SHROOM3: variants seen among roughly 807,000 people sequenced by gnomAD.
The protein encoded by SHROOM3 is protein Shroom3.
A neutral mutation model predicts 138.6 loss-of-function variants in SHROOM3; 47 were observed. The ratio of observed to expected loss-of-function variants is 0.34; its 90% confidence interval spans 0.27 to 0.43. The LOEUF (loss-of-function observed/expected upper bound fraction) is 0.43, where lower values mean the gene tolerates loss of function less well. Among genes scored for constraint, SHROOM3 ranks in the 20% least tolerant of loss-of-function variants. The pLI is 1.00. For synonymous variants in SHROOM3, 1,062 were observed against 1,063.3 expected (o/e 1.00, Z 0.02); for missense variants, 2,491 against 2,596.5 (o/e 0.96, Z 0.88).
intron 2 of SHROOM3, among the ~76,000 whole-genome samples, chr4:76,649,001 G>A (rs1007758565): frequency 2.6e-5 from 4 of 152,134 alleles, no homozygotes; most frequent in African/African-American, 9.7e-5. Context: ...TAAGACAAAT[G>A]AACTTTAAAT....
In SHROOM3 at chr4:76,780,257, T is replaced by A. The variant is rs1230383623; in HGVS notation, c.*1080T>A. 1 of 152,220 alleles carries A rather than the reference T, an allele frequency of 6.6e-6. No homozygotes were observed. The highest frequency in any genetic ancestry group is 1.5e-5 in the Non-Finnish European group (1 of 68,038). The allele number at this position is 152,220 out of a possible 1,614,324, so 9.4% of individuals were successfully genotyped here. On this transcript the variant is annotated 3_prime_UTR_variant, in exon 11 of 11. Transcript: ENST00000296043. ...CTGATTTTGCTTTATCATGTTTCAATAATAACATTTCAGAGGTTACTCTGT... is the reference window on the plus strand; with the variant it reads ...CTGATTTTGCTTTATCATGTTTCAAAAATAACATTTCAGAGGTTACTCTGT...
intron 2 of SHROOM3, among the ~76,000 whole-genome samples, chr4:76,565,954 A>G (rs892504085): frequency 4.6e-5 from 7 of 151,948 alleles, no homozygotes; most frequent in Non-Finnish European, 1.0e-4. Context: ...CCCTGTCTCT[A>G]CAAAAACTAG....
At chr4:76,538,763 G>A (rs936968161) in intron 1 of SHROOM3, among the ~76,000 whole-genome samples, 1 of 152,110 alleles carries the variant, frequency 6.6e-6, no homozygotes, top group South Asian at 2.1e-4. Flanking sequence ...TACTCATTTG[G>A]CCATATCTGC....
At chr4:76,718,206 T>G (rs1275790552) in intron 3 of SHROOM3, among the ~76,000 whole-genome samples, 1 of 152,210 alleles carries the variant, frequency 6.6e-6, no homozygotes, top group East Asian at 1.9e-4. Flanking sequence ...ATTACAGGGC[T>G]GGTTTTCCCA....
chr4:76,637,823 T>C (rs1388711319), intron 2 of SHROOM3, among the ~76,000 whole-genome samples: 1 of 152,182 alleles, frequency 6.6e-6, no homozygotes, highest in East Asian at 1.9e-4. Flanking sequence ...AGGACTCCAG[T>C]CTCTGAGTCA....
At chr4:76,735,856 AAAAAAAAAAAAAATATATATATAT>A (rs1236764859) in intron 4 of SHROOM3, among the ~76,000 whole-genome samples, 79 of 47,996 alleles carry the variant, frequency 1.6e-3, no homozygotes, top group African/African-American at 6.9e-3. Flanking sequence ...AAAAAAAAAA[AAAAAAAAAAAAAATATATATATAT>A]ATATATATAT....
At chr4:76,706,547 G>C (rs1436033737) in intron 2 of SHROOM3, among the ~76,000 whole-genome samples, 1 of 152,152 alleles carries the variant, frequency 6.6e-6, no homozygotes, top group African/African-American at 2.4e-5. Flanking sequence ...AGGAGTAAGA[G>C]GATGGGTTGG....
At chr4:76,729,343 C>T (rs1560603942) in intron 3 of SHROOM3, among the ~76,000 whole-genome samples, 1 of 152,018 alleles carries the variant, frequency 6.6e-6, no homozygotes, top group Non-Finnish European at 1.5e-5. Context: ...TTTTCCTGAC[C>T]TATTTGGCAA....
intron 1 of SHROOM3, among the ~76,000 whole-genome samples, chr4:76,534,423 C>T (rs2110017211): frequency 6.6e-6 from 1 of 152,276 alleles, no homozygotes; most frequent in Admixed American, 6.5e-5. Flanking sequence ...TGTCCCTTGA[C>T]CAAGAATTTC....
At chr4:76,457,442 G>A (rs796908786) in intron 1 of SHROOM3, among the ~76,000 whole-genome samples, 34 of 151,932 alleles carry the variant, frequency 2.2e-4, no homozygotes, top group African/African-American at 7.7e-4. Context: ...AAGCTGCTAT[G>A]CTTCCTGTAC....
At chr4:76,717,396 G>A (rs1188610070) in intron 3 of SHROOM3, among the ~76,000 whole-genome samples, 1 of 152,090 alleles carries the variant, frequency 6.6e-6, no homozygotes, top group Non-Finnish European at 1.5e-5. Flanking sequence ...TTAATCTGGG[G>A]AGATTCTCAG....
At chr4:76,571,354 G>T (rs1212884167) in intron 2 of SHROOM3, among the ~76,000 whole-genome samples, 1 of 152,148 alleles carries the variant, frequency 6.6e-6, no homozygotes, top group East Asian at 1.9e-4. Flanking sequence ...AACCAATATG[G>T]GTTCTTCAGC....
chr4:76,472,361 A>G (rs562443880), intron 1 of SHROOM3, among the ~76,000 whole-genome samples: 6 of 152,314 alleles, frequency 3.9e-5, no homozygotes, highest in African/African-American at 1.4e-4. Context: ...AAATATTATA[A>G]TAAATGCTGT....
chr4:76,444,778 G>A (rs1222896829), intron 1 of SHROOM3, among the ~76,000 whole-genome samples: 1 of 151,514 alleles, frequency 6.6e-6, no homozygotes, highest in Non-Finnish European at 1.5e-5. Flanking sequence ...ACAGGCATGA[G>A]CCACCACGCC....
Position 76,739,985 on chromosome 4 carries a change from A to T in SHROOM3, c.1812A>T (p.Lys604Asn). Reference sequence around the variant, plus strand: ...CATCTTCTCATCCCCACAGCCTCAAATGCCCTCAGGCTCAGGCCTGGCAAG... The same window carrying T: ...CATCTTCTCATCCCCACAGCCTCAATTGCCCTCAGGCTCAGGCCTGGCAAG... ...NKPSSHPHSL[K>N]CPQAQAWQAG... The change falls in exon 5 of 11, where the codon AAA (lysine) becomes AAT (asparagine). Residue 604 changes from lysine (K) to asparagine (N), a missense_variant. Lys to Asn is a moderately conservative substitution (Grantham distance 94). Transcript: ENST00000296043. 2.5e-6 allele frequency: 4 copies of T among 1,614,060 alleles called. No homozygotes were observed. The South Asian group carries it at 4.4e-5, about 18-fold the overall frequency.
chr4:76,773,243 G>GT (rs1286004316), intron 10 of SHROOM3, among the ~76,000 whole-genome samples: 6 of 151,746 alleles, frequency 4.0e-5, no homozygotes, highest in African/African-American at 9.7e-5. Context: ...GGTGTGTGGC[G>GT]GGTGCCTGTA....
intron 2 of SHROOM3, among the ~76,000 whole-genome samples, chr4:76,634,412 A>G (rs1272630888): frequency 3.3e-5 from 5 of 152,230 alleles, no homozygotes; most frequent in African/African-American, 1.2e-4. Flanking sequence ...CACAGCCAAC[A>G]GCATGCAGCA....
intron 8 of SHROOM3, 148 bp from the exon 9 acceptor site, chr4:76,759,397 C>CATTAGTTAACAGTTACTAGTTTA: frequency 9.4e-7 from 1 of 1,069,320 alleles, no homozygotes; most frequent in African/African-American, 1.6e-5. Flanking sequence ...AGTAATCACT[C>CATTAGTTAACAGTTACTAGTTTA]ATTAGTTAAC....
intron 2 of SHROOM3, among the ~76,000 whole-genome samples, chr4:76,644,836 G>T (rs1735777621): frequency 6.6e-6 from 1 of 152,030 alleles, no homozygotes; most frequent in Non-Finnish European, 1.5e-5. Context: ...TGCCATTTTT[G>T]TTCCTTTTGT....
Sources: allele counts gnomAD v4.1 joint callset (sites outside exome capture counted in the v4.1 genomes callset), GRCh38; gene constraint gnomAD v4.1.1; transcripts MANE v1.5; gene names NCBI Gene and HGNC (gene_info 2026-07-23, HGNC 2026-07-21).